Variants in TMSB15B observed in about 807,000 individuals in gnomAD.
TMSB15B encodes thymosin beta 15B.
At chrX:103,936,516 G>A (rs1351818598) in intron 1 of TMSB15B, among the ~76,000 whole-genome samples, 1 of 112,323 alleles carries the variant, frequency 8.9e-6, no homozygotes, top group East Asian at 2.8e-4. Flanking sequence ...AGACTTTGCT[G>A]AAGTTGCTTA....
chrX:103,940,718 ACAACAACAACAACAG>A (rs1441476120), intron 1 of TMSB15B, among the ~76,000 whole-genome samples: 1 of 110,414 alleles, frequency 9.1e-6, no homozygotes, highest in African/African-American at 3.3e-5. Context: ...AAAAACAACA[ACAACAACAACAACAG>A]CAACAACAAC....
At chrX:103,920,567 C>T (rs182298061) in intron 1 of TMSB15B, among the ~76,000 whole-genome samples, 100 of 112,688 alleles carry the variant, frequency 8.9e-4, no homozygotes, top group South Asian at 7.4e-4. Flanking sequence ...CTTCCTGGAA[C>T]TGTATGCAAA....
intron 1 of TMSB15B, among the ~76,000 whole-genome samples, chrX:103,934,338 GTT>G (rs797036022): frequency 2.9e-4 from 30 of 104,898 alleles, no homozygotes; most frequent in African/African-American, 9.6e-4. Flanking sequence ...GATTGCATTA[GTT>G]TTTTTTTTTT....
chrX:103,935,751 T>C (rs1556321408), intron 1 of TMSB15B, among the ~76,000 whole-genome samples: 1 of 111,023 alleles, frequency 9.0e-6, no homozygotes, highest in Non-Finnish European at 1.9e-5. Context: ...CCTCGTAGTA[T>C]ATTTTGAAGT....
At chrX:103,948,247 G>A (rs1451053166) in intron 1 of TMSB15B, among the ~76,000 whole-genome samples, 1 of 111,966 alleles carries the variant, frequency 8.9e-6, no homozygotes, top group African/African-American at 3.2e-5. Flanking sequence ...AAACACTAGG[G>A]AGATACTCAC....
intron 1 of TMSB15B, among the ~76,000 whole-genome samples, chrX:103,948,674 AT>A (rs370911265): frequency 8.0e-5 from 9 of 112,572 alleles, no homozygotes; most frequent in African/African-American, 2.9e-4. Context: ...AAAATTCACA[AT>A]GTTGTGTAAA....
chrX:103,929,056 G>C (rs1343469544), intron 1 of TMSB15B: 1 of 1,080,893 alleles, frequency 9.3e-7, no homozygotes, highest in African/African-American at 1.8e-5. Flanking sequence ...TTGTTATTCT[G>C]AATCTTCCCT....
intron 1 of TMSB15B, among the ~76,000 whole-genome samples, chrX:103,923,872 A>G (rs1361739200): frequency 9.0e-6 from 1 of 111,015 alleles, no homozygotes; most frequent in African/African-American, 3.3e-5. Context: ...ATCCTCTTTT[A>G]TTTCGTTGAG....
intron 1 of TMSB15B, among the ~76,000 whole-genome samples, chrX:103,945,006 G>C (rs2075021711): frequency 8.9e-6 from 1 of 111,902 alleles, no homozygotes; most frequent in Non-Finnish European, 1.9e-5. Context: ...TCGAACTCCT[G>C]GCCTCAGGAG....
intron 1 of TMSB15B, among the ~76,000 whole-genome samples, chrX:103,955,470 C>T (rs2075049097): frequency 9.1e-6 from 1 of 109,886 alleles, no homozygotes; most frequent in Non-Finnish European, 1.9e-5. Context: ...AGCTGCAAAA[C>T]ACACTACAAG....
At chrX:103,948,737 CA>C (rs2075031798) in intron 1 of TMSB15B, among the ~76,000 whole-genome samples, 1 of 112,110 alleles carries the variant, frequency 8.9e-6, no homozygotes, top group Non-Finnish European at 1.9e-5. Flanking sequence ...TGTCATAATG[CA>C]AAAAATCACC....
intron 1 of TMSB15B, among the ~76,000 whole-genome samples, chrX:103,953,585 AG>A (rs1469809282): frequency 1.8e-5 from 2 of 112,755 alleles, no homozygotes; most frequent in African/African-American, 6.4e-5. Flanking sequence ...TGGGTGACTT[AG>A]CCCTTCCAGC....
At chrX:103,952,466 AATC>A (rs1336177097) in intron 1 of TMSB15B, among the ~76,000 whole-genome samples, 1 of 110,943 alleles carries the variant, frequency 9.0e-6, no homozygotes, top group African/African-American at 3.3e-5. Flanking sequence ...AGGAGAGAAA[AATC>A]ATCTGCTCCT....
At position 103,928,471 on chromosome X, in the gene TMSB15B, C is replaced by G. The variant is rs2074975420; in HGVS notation, c.-721+9179C>G. ...CTGGGCTGCAGGGATCATGTCTGGCCTGGTGGAGGCTGTGGCACTCAGCCC... is the reference window on the plus strand; with the variant it reads ...CTGGGCTGCAGGGATCATGTCTGGCGTGGTGGAGGCTGTGGCACTCAGCCC... On this transcript the variant is annotated intron_variant, in intron 1 of 3. Coordinates refer to the TMSB15B transcript ENST00000419165. 36 of 1,201,954 alleles carry G rather than the reference C, an allele frequency of 3.0e-5. 1 individual carries two copies. In the South Asian group the frequency reaches 4.9e-4, roughly 17 times the overall value.
intron 1 of TMSB15B, among the ~76,000 whole-genome samples, chrX:103,952,839 G>A (rs782223053): frequency 1.8e-5 from 2 of 111,431 alleles, no homozygotes; most frequent in East Asian, 5.7e-4. Flanking sequence ...CTTAGACTTG[G>A]ATCACTGGTT....
Position 103,929,493 on chromosome X carries a change from C to T in TMSB15B, c.-721+10201C>T, listed in dbSNP as rs782542415. ...ATGGCTACATTTTCATGATATTGTT[C>T]ACTGCCTCTACCACCACCTCTCACT... On this transcript the variant is annotated intron_variant, in intron 1 of 3. Transcript: ENST00000419165. Among the ~76,000 whole-genome samples the T allele has an allele frequency of 5.4e-3, 597 of 110,955 alleles. 2 individuals are homozygous for T. Among genetic ancestry groups the T allele is most frequent in the Middle Eastern group, 0.014 (3 of 217 alleles).
intron 1 of TMSB15B, among the ~76,000 whole-genome samples, chrX:103,942,776 T>G (rs1312408652): frequency 8.9e-6 from 1 of 111,894 alleles, no homozygotes; most frequent in African/African-American, 3.2e-5. Flanking sequence ...AACATATCTT[T>G]TTTTGGGATT....
intron 1 of TMSB15B, chrX:103,928,632 G>T: frequency 8.6e-7 from 1 of 1,158,286 alleles, no homozygotes; most frequent in Non-Finnish European, 1.2e-6. Context: ...ATGGTTTCTG[G>T]CCTGTCCTGG....
chrX:103,925,666 A>G (rs4907850), intron 1 of TMSB15B, among the ~76,000 whole-genome samples: 41,864 of 110,553 alleles, frequency 0.38, 5,771 homozygotes, highest in Admixed American at 0.53. Flanking sequence ...AACAAAACTC[A>G]CTTAGAATGC....
Sources: allele counts gnomAD v4.1 joint callset (sites outside exome capture counted in the v4.1 genomes callset), GRCh38; gene constraint gnomAD v4.1.1; transcripts MANE v1.5; gene names NCBI Gene and HGNC (gene_info 2026-07-23, HGNC 2026-07-21).